The following C2CD3 variants were observed in gnomAD, a reference collection of about 807,000 sequenced individuals.
The protein encoded by C2CD3 is C2 domain-containing protein 3.
A neutral mutation model predicts 234.0 loss-of-function variants in C2CD3; 148 were observed. That is an observed-to-expected ratio of 0.63 (90% CI 0.55 to 0.72). C2CD3 has a LOEUF of 0.72. Among genes scored for constraint, C2CD3 ranks in the 30% least tolerant of loss-of-function variants. C2CD3 has a pLI of 0.00. For synonymous variants in C2CD3, 1,000 were observed against 1,035.4 expected, an observed-to-expected ratio of 0.97 and a Z score of 0.66; for missense variants, 2,577 against 2,811.5, an observed-to-expected ratio of 0.92 and a Z score of 1.89.
Position 74,098,436 on chromosome 11 carries a change from G to A in C2CD3, c.2733-181C>T, listed in dbSNP as rs373159907. ...TACCAAATAAAAATTACCAGGCAGA[G>A]AAGTTCAAAATGTAGCAATTTGAAG... On this transcript the variant is annotated intron_variant, in intron 15 of 32. Coordinates refer to ENST00000334126, the MANE Select transcript of C2CD3 (RefSeq NM_001286577.2). 6.2e-4 allele frequency among the ~76,000 whole-genome samples: 95 copies of A among 152,344 alleles called. 1 individual carries two copies. Among genetic ancestry groups the A allele is most frequent in the Middle Eastern group, 6.8e-3 (2 of 294 alleles).
intron 32 of C2CD3, among the ~76,000 whole-genome samples, chr11:74,026,443 G>A (rs1685341): frequency 0.062 from 9,366 of 152,210 alleles, 901 homozygotes; most frequent in African/African-American, 0.2. Context: ...AGAGGATCAG[G>A]CATCTGATGC....
chr11:74,051,935 T>C (rs1685627922), intron 26 of C2CD3, among the ~76,000 whole-genome samples: 2 of 152,184 alleles, frequency 1.3e-5, no homozygotes, highest in African/African-American at 4.8e-5. Flanking sequence ...CTTGCTATAC[T>C]AGATGTGTTG....
rs1285022120 is a variant in C2CD3, at chr11:74,139,758, G to A, written c.554C>T (p.Thr185Ile). ...SYHPLPTTDM[T>I]ENVLLSKQGF... ...CTGCTTAGATAAAAGCACATTTTCT[G>A]TCATGTCAGTGGTAGGAAGTGGATG... The change falls in exon 4 of 33, where the codon ACA (threonine) becomes ATA (isoleucine). Residue 185 changes from threonine (T) to isoleucine (I), a missense_variant. Transcript: ENST00000334126. 6.2e-6 allele frequency: 10 copies of A among 1,613,612 alleles called. No individual in the cohort carries two copies. The highest frequency in any genetic ancestry group is 7.6e-6 in the Non-Finnish European group (9 of 1,179,670).
At position 74,092,634 on chromosome 11, in the gene C2CD3, A is replaced by G. The variant is rs201668769; in HGVS notation, c.3345-46T>C. On this transcript the variant is annotated intron_variant, in intron 18 of 32. Coordinates refer to ENST00000334126, the MANE Select transcript of C2CD3 (RefSeq NM_001286577.2). ...CGTTGTCAGAAGAATTAGGTGATAA[A>G]TGATTCAGTCTGCCCCACAGATCAG... 3.9e-6 allele frequency: 6 copies of G among 1,524,856 alleles called. No individual in the cohort carries two copies. The African/African-American group carries it at 8.2e-5, about 21-fold the overall frequency. The allele number at this position is 1,524,856 out of a possible 1,614,324, so 94.5% of individuals were successfully genotyped here.
intron 24 of C2CD3, among the ~76,000 whole-genome samples, chr11:74,059,410 CAAAAAAAAAAA>C (rs57052333): frequency 1.3e-3 from 40 of 29,962 alleles, no homozygotes; most frequent in African/African-American, 5.5e-3. Flanking sequence ...GACTCTGTCT[CAAAAAAAAAAA>C]AAAAAAAAAA....
At chr11:74,063,941 G>T (rs965369517) in intron 24 of C2CD3, among the ~76,000 whole-genome samples, 2 of 152,024 alleles carry the variant, frequency 1.3e-5, no homozygotes, top group Admixed American at 1.3e-4. Flanking sequence ...GGGTACATGT[G>T]CACAATGTGC....
At chr11:74,097,865 T>C in intron 16 of C2CD3, 144 bp downstream of exon 16, 1 of 718,188 alleles carries the variant, frequency 1.4e-6, no homozygotes, top group Non-Finnish European at 2.3e-6. Context: ...ATGATTCCTT[T>C]GATTTATAGG....
intron 24 of C2CD3, among the ~76,000 whole-genome samples, chr11:74,061,161 G>A (rs1954221111): frequency 6.6e-6 from 1 of 152,214 alleles, no homozygotes; most frequent in Non-Finnish European, 1.5e-5. Context: ...TGCTGTACCT[G>A]AAAGTGACAG....
At position 74,074,459 on chromosome 11, in the gene C2CD3, G is replaced by C. The variant is rs773350152; in HGVS notation, c.4745C>G (p.Ser1582Cys). The change falls in exon 24 of 33, where the codon TCT becomes TGT. Residue 1582 changes from serine to cysteine, a missense_variant. Transcript: ENST00000334126. The stretch of plus-strand genomic sequence containing the variant: ...ATCATTCCTTCTGGGGAGCTGCTCA[G>C]ACTCACTGTGGCTGCTGCAGTCCAT... ...DSMDCSSHSE[S>C]EQLPRRNDEV... 1 of 1,614,206 alleles carries C rather than the reference G, an allele frequency of 6.2e-7. No homozygotes were observed. The highest frequency in any genetic ancestry group is 1.1e-5 in the South Asian group (1 of 91,084).
intron 24 of C2CD3, among the ~76,000 whole-genome samples, chr11:74,069,105 A>AT (rs756972941): frequency 2.6e-5 from 4 of 152,192 alleles, no homozygotes; most frequent in Non-Finnish European, 5.9e-5. Flanking sequence ...GCCATCCTCC[A>AT]GTTTATTTTT....
intron 22 of C2CD3, among the ~76,000 whole-genome samples, chr11:74,082,656 G>C (rs897785481): frequency 7.2e-5 from 11 of 152,242 alleles, no homozygotes; most frequent in African/African-American, 2.6e-4. Context: ...TGGTGGATAA[G>C]CTTTTTGATA....
intron 6 of C2CD3, 118 bp from the exon 7 acceptor site, chr11:74,133,090 A>G (rs1957733341): frequency 2.2e-6 from 2 of 911,864 alleles, no homozygotes; most frequent in Non-Finnish European, 3.4e-6. Context: ...CTTTAGACTT[A>G]ACTGCCTTAA....
At chr11:74,153,023 T>G (rs1202978603) in intron 3 of C2CD3, among the ~76,000 whole-genome samples, 1 of 152,094 alleles carries the variant, frequency 6.6e-6, no homozygotes, top group African/African-American at 2.4e-5. Flanking sequence ...GCCAGGAGTT[T>G]GAGACCAGCC....
intron 7 of C2CD3, among the ~76,000 whole-genome samples, chr11:74,126,127 C>CA (rs1957406818): frequency 6.6e-6 from 1 of 152,186 alleles, no homozygotes; most frequent in Non-Finnish European, 1.5e-5. Flanking sequence ...ACTCTACCCT[C>CA]ACACTTGATT....
rs1246677765 is a variant in C2CD3, at chr11:74,028,380, C to T, written c.6828G>A (p.Val2276=). Residue 2276 remains valine (V), a synonymous_variant, in exon 32 of 33, where the codon GTG becomes GTA. Transcript: ENST00000334126. The part of the protein sequence containing the change: ...QSLLLPGPIV[V]PNFFLPPQQL... ...GCTGGGGAGGCAAAAAGAAGTTGGGCACCACAATGGGCCCTGGGCTACAAT... is the reference window on the plus strand; with the variant it reads ...GCTGGGGAGGCAAAAAGAAGTTGGGTACCACAATGGGCCCTGGGCTACAAT... 10 of 1,535,684 alleles carry T rather than the reference C, an allele frequency of 6.5e-6. No homozygotes were observed. Among genetic ancestry groups the T allele is most frequent in the Non-Finnish European group, 8.7e-6 (10 of 1,146,686 alleles).
At chr11:74,013,983 CTGTT>C (rs1207838226) in intron 32 of C2CD3, among the ~76,000 whole-genome samples, 3 of 152,198 alleles carry the variant, frequency 2.0e-5, no homozygotes, top group East Asian at 1.9e-4. Flanking sequence ...AATACACTCT[CTGTT>C]TGGCCCTTTG....
Position 74,030,472 on chromosome 11 carries a change from C to T in C2CD3, c.6810-2074G>A, listed in dbSNP as rs547083566. On this transcript the variant is annotated intron_variant, in intron 31 of 32. Transcript: ENST00000334126. ...GTGATACATGTCAGCCACATTCTCCCGGACCTGTGTGCAGCGTCAGTGCTG... is the reference window on the plus strand; with the variant it reads ...GTGATACATGTCAGCCACATTCTCCTGGACCTGTGTGCAGCGTCAGTGCTG... 5.3e-5 allele frequency among the ~76,000 whole-genome samples: 8 copies of T among 152,290 alleles called. No individual in the cohort carries two copies. The East Asian group carries it at 9.7e-4, about 18-fold the overall frequency.
rs1555065095 is a variant in C2CD3 at position 74,153,209 on chromosome 11, T to TAAA, written c.483+8187_483+8189dup. On this transcript the variant is annotated intron_variant, in intron 3 of 32. Transcript: ENST00000334126. ...GGTGACAGAGTGAGACTCTGTCTCTTAAAAACAAAACAAAACAAAACAAAA... is the reference window on the plus strand; with the variant it reads ...GGTGACAGAGTGAGACTCTGTCTCTTAAAAAAAACAAAACAAAACAAAACAAAA... Among the ~76,000 whole-genome samples, 3 of 110,008 alleles carry TAAA rather than the reference T, an allele frequency of 2.7e-5. 1 individual carries two copies. Among genetic ancestry groups the TAAA allele is most frequent in the African/African-American group, 1.0e-4 (3 of 28,974 alleles). 72.2% of individuals were successfully genotyped at this position (110,008 alleles called of 152,430 possible).
At chr11:74,083,885 C>T (rs868788295) in intron 22 of C2CD3, among the ~76,000 whole-genome samples, 8 of 152,074 alleles carry the variant, frequency 5.3e-5, no homozygotes, top group East Asian at 1.9e-4. Flanking sequence ...GACAGTGTGG[C>T]GATTCCTCAA....
Sources: gnomAD v4.1 joint callset for allele counts (sites outside exome capture counted in the v4.1 genomes callset) on GRCh38, gnomAD v4.1.1 for gene constraint, MANE v1.5 for transcripts, NCBI Gene and HGNC (gene_info 2026-07-23, HGNC 2026-07-21) for gene names.